Variants in CDH10 observed in about 807,000 individuals in gnomAD.
CDH10 encodes the protein cadherin 10.
CDH10 carries 30 observed loss-of-function variants against 73.1 expected under a neutral mutation model. The ratio of observed to expected loss-of-function variants is 0.41; its 90% CI spans 0.31 to 0.56. The LOEUF (loss-of-function observed/expected upper bound fraction) is 0.56, where lower values mean the gene tolerates loss of function less well. Among genes scored for constraint, CDH10 ranks in the 20% least tolerant of loss-of-function variants. The pLI is 0.27. For synonymous variants in CDH10, 345 were observed against 348.2 expected, an observed-to-expected ratio of 0.99 and a Z score of 0.10; for missense variants, 815 against 973.7, an observed-to-expected ratio of 0.84 and a Z score of 2.17.
chr5:24,564,304 T>G (rs770254933), intron 2 of CDH10, among the ~76,000 whole-genome samples: 2 of 152,216 alleles, frequency 1.3e-5, no homozygotes, highest in African/African-American at 2.4e-5. Context: ...TATCTGGACC[T>G]ACTTTTGTGA....
At chr5:24,546,833 TTTTA>T (rs1293147692) in intron 2 of CDH10, among the ~76,000 whole-genome samples, 1 of 152,118 alleles carries the variant, frequency 6.6e-6, no homozygotes, top group African/African-American at 2.4e-5. Flanking sequence ...CTTTTATCTA[TTTTA>T]TTTATTTATA....
At chr5:24,581,430 T>A (rs1427870376) in intron 2 of CDH10, among the ~76,000 whole-genome samples, 1 of 152,166 alleles carries the variant, frequency 6.6e-6, no homozygotes, top group Non-Finnish European at 1.5e-5. Context: ...TTCCTTATCT[T>A]GCTACATCTC....
intron 2 of CDH10, among the ~76,000 whole-genome samples, chr5:24,548,559 T>C (rs980287063): frequency 1.3e-5 from 2 of 151,432 alleles, no homozygotes; most frequent in Admixed American, 6.6e-5. Context: ...CCAATGGTAT[T>C]ATGGAGAGTA....
At chr5:24,616,108 A>G (rs1352814623) in intron 1 of CDH10, among the ~76,000 whole-genome samples, 1 of 151,264 alleles carries the variant, frequency 6.6e-6, no homozygotes, top group Non-Finnish European at 1.5e-5. Flanking sequence ...ACATAAATTT[A>G]GTTCTTTCAG....
At chr5:24,577,309 G>A (rs1371662943) in intron 2 of CDH10, among the ~76,000 whole-genome samples, 1 of 152,130 alleles carries the variant, frequency 6.6e-6, no homozygotes, top group Non-Finnish European at 1.5e-5. Context: ...CGCAAGAGGG[G>A]AAGTGAGTTG....
chr5:24,528,297 C>T (rs1437987123), intron 5 of CDH10, among the ~76,000 whole-genome samples: 1 of 151,802 alleles, frequency 6.6e-6, no homozygotes, highest in Non-Finnish European at 1.5e-5. Context: ...GAAGCATCTT[C>T]CTTGGGGCAT....
intron 2 of CDH10, among the ~76,000 whole-genome samples, chr5:24,547,822 C>T (rs1280700410): frequency 6.6e-6 from 1 of 152,186 alleles, no homozygotes; most frequent in African/African-American, 2.4e-5. Context: ...ACTAAACATA[C>T]ACACTGGTCC....
intron 2 of CDH10, among the ~76,000 whole-genome samples, chr5:24,575,218 C>T (rs1055328911): frequency 2.0e-5 from 3 of 150,362 alleles, no homozygotes; most frequent in Admixed American, 6.7e-5. Flanking sequence ...AAAAATTACC[C>T]AGGCATGGTG....
chr5:24,533,493 A>C (rs1743823667), intron 5 of CDH10, among the ~76,000 whole-genome samples: 1 of 152,024 alleles, frequency 6.6e-6, no homozygotes, highest in Admixed American at 6.6e-5. Flanking sequence ...TTTTAGACAC[A>C]TGTGTATATA....
Position 24,535,712 on chromosome 5 carries a change from G to C in CDH10, c.637C>G (p.Pro213Ala), listed in dbSNP as rs370667527. The change falls in exon 4 of 12, where the codon CCT (proline) becomes GCT (alanine). Residue 213 changes from proline (P) to alanine (A), a missense_variant. By Grantham distance (27) the Pro-to-Ala change is conservative (BLOSUM62 -1). Transcript: ENST00000264463. Reference protein sequence around the residue: ...LQGQPYFSVEPETGIIRTALP... With the variant: ...LQGQPYFSVEAETGIIRTALP... ...ATTCATGATTCCTGACCTGTTTCAG[G>C]CTCCACAGAGAAATAGGGCTGCCCT... 8.1e-6 allele frequency: 13 copies of C among 1,609,924 alleles called. No individual in the cohort carries two copies. Among genetic ancestry groups the C allele is most frequent in the Admixed American group, 6.7e-5 (4 of 59,428 alleles).
Position 24,506,335 on chromosome 5 carries a change from T to C in CDH10, c.1257-1087A>G, listed in dbSNP as rs1271959869. On this transcript the variant is annotated intron_variant, in intron 7 of 11. Transcript: ENST00000264463. ...TTGATGTAGTTTAAATAGATCCCAT[T>C]ATCTTTATCCAACTACATATCTAAC... 2.0e-5 allele frequency among the ~76,000 whole-genome samples: 3 copies of C among 152,310 alleles called. No individual in the cohort carries two copies. In the East Asian group the frequency reaches 5.8e-4, roughly 29 times the overall value.
chr5:24,610,098 G>C (rs1455978557), intron 1 of CDH10: 6 of 152,242 alleles, frequency 3.9e-5, no homozygotes, highest in Non-Finnish European at 7.3e-5. Context: ...TATTTAGCTA[G>C]TTGATCATTG....
intron 1 of CDH10, among the ~76,000 whole-genome samples, chr5:24,598,502 A>G (rs1746448036): frequency 6.6e-6 from 1 of 151,944 alleles, no homozygotes; most frequent in African/African-American, 2.4e-5. Context: ...TATTTGTAAA[A>G]CATTTCAATA....
chr5:24,628,693 G>C (rs1747593296), intron 1 of CDH10, among the ~76,000 whole-genome samples: 1 of 151,932 alleles, frequency 6.6e-6, no homozygotes, highest in African/African-American at 2.4e-5. Flanking sequence ...CTTTAAGCTT[G>C]TATTCAAGTT....
chr5:24,571,912 C>T (rs931240497), intron 2 of CDH10, among the ~76,000 whole-genome samples: 3 of 151,742 alleles, frequency 2.0e-5, no homozygotes. Flanking sequence ...TAAGCATGAG[C>T]CAGCTCCAGC....
chr5:24,492,537 ATTG>A, intron 10 of CDH10, among the ~76,000 whole-genome samples: 1 of 152,138 alleles, frequency 6.6e-6, no homozygotes, highest in East Asian at 1.9e-4. Flanking sequence ...GTCCTATATT[ATTG>A]TTGTAAGAAT....
chr5:24,566,453 C>T (rs539552891), intron 2 of CDH10, among the ~76,000 whole-genome samples: 5 of 152,100 alleles, frequency 3.3e-5, no homozygotes, highest in African/African-American at 7.2e-5. Flanking sequence ...ACAGTTGGTG[C>T]CTTACTTTTG....
chr5:24,584,873 G>A (rs1745939704), intron 2 of CDH10, among the ~76,000 whole-genome samples: 1 of 149,684 alleles, frequency 6.7e-6, no homozygotes, highest in Non-Finnish European at 1.5e-5. Context: ...CTGATACAAG[G>A]TCTCACTCTG....
chr5:24,534,687 AAAT>A (rs2111873423), intron 5 of CDH10, among the ~76,000 whole-genome samples: 1 of 152,232 alleles, frequency 6.6e-6, no homozygotes, highest in South Asian at 2.1e-4. Context: ...ATAATTTGTC[AAAT>A]TAGATTTTTT....
Sources: allele counts gnomAD v4.1 joint callset (sites outside exome capture counted in the v4.1 genomes callset), GRCh38; gene constraint gnomAD v4.1.1; transcripts MANE v1.5; gene names NCBI Gene and HGNC (gene_info 2026-07-23, HGNC 2026-07-21).